The following ACOD1 variants were observed in gnomAD, a reference collection of about 807,000 sequenced individuals.
The protein encoded by ACOD1 is aconitate decarboxylase 1, also known as cis-aconitate decarboxylase.
A neutral mutation model predicts 14.2 loss-of-function variants in ACOD1; 14 were observed. The ratio of observed to expected loss-of-function variants is 0.99; its 90% CI spans 0.65 to 1.54. The LOEUF is 1.54. ACOD1 is among the 40% of genes most tolerant of loss of function. The pLI is 0.00. For missense variants in ACOD1, 530 were observed against 586.3 expected (o/e 0.90, Z 0.99); for synonymous variants, 182 against 221.7 (o/e 0.82, Z 1.59).
intron 4 of ACOD1, among the ~76,000 whole-genome samples, chr13:76,956,256 C>T (rs957835439): frequency 1.3e-5 from 2 of 152,174 alleles, no homozygotes; most frequent in African/African-American, 4.8e-5. Context: ...GGCTGGAGTG[C>T]AGTGGTGTAA....
At chr13:76,954,232 G>A (rs996736527) in intron 3 of ACOD1, among the ~76,000 whole-genome samples, 1 of 152,210 alleles carries the variant, frequency 6.6e-6, no homozygotes, top group Non-Finnish European at 1.5e-5. Flanking sequence ...AAACAGACAT[G>A]TTGGGATTTC....
rs942255068 is a variant in ACOD1 at position 76,957,550 on chromosome 13, G to A, written c.1011G>A (p.Val337=). 6.4e-6 allele frequency: 10 copies of A among 1,550,466 alleles called. No individual in the cohort carries two copies. In the African/African-American group the frequency reaches 1.4e-4, roughly 21 times the overall value. ...AAGCCCGTCATTCATTCCAGTATGT[G>A]GCCTGTGCCATGCTGCTTGATGGTG... is the stretch of plus-strand genomic sequence containing the variant. ...EHEARHSFQY[V]ACAMLLDGGI... The change falls in exon 5 of 5, where the codon GTG becomes GTA. Residue 337 remains valine (V), a synonymous_variant. Coordinates refer to ENST00000377462, the MANE Select transcript of ACOD1 (RefSeq NM_001258406.2).
rs907314567 is a variant in ACOD1, at chr13:76,957,330, T to C, written c.791T>C (p.Leu264Pro). The part of the protein sequence containing the change: ...LPSIASYSWL[L>P]DQQDVAFKRF... ...AGCATAGCTTCCTACAGTTGGCTGC[T>C]GGACCAGCAGGACGTGGCCTTTAAG... Residue 264 changes from leucine to proline, a missense_variant, in exon 5 of 5, where the codon CTG becomes CCG. Leu to Pro is a moderately conservative substitution (Grantham distance 98). Transcript: ENST00000377462. 4 of 1,550,560 alleles carry C rather than the reference T, an allele frequency of 2.6e-6. No homozygotes were observed. The highest frequency in any genetic ancestry group is 2.7e-5 in the African/African-American group (2 of 73,080).
In ACOD1 at chr13:76,957,531, G is replaced by A. The variant is rs755737247; in HGVS notation, c.992G>A (p.Arg331His). ...TTTCCAGTTTCGGAGCATGAAGCCC[G>A]TCATTCATTCCAGTATGTGGCCTGT... ...RPFPVSEHEARHSFQYVACAM... is the reference protein window; with the variant it reads ...RPFPVSEHEAHHSFQYVACAM... Residue 331 changes from arginine to histidine, a missense_variant, in exon 5 of 5, where the codon CGT becomes CAT. Transcript: ENST00000377462. 1.0e-4 allele frequency: 162 copies of A among 1,550,486 alleles called. No homozygotes were observed. Among genetic ancestry groups the A allele is most frequent in the Middle Eastern group, 3.3e-4 (2 of 6,014 alleles).
intron 3 of ACOD1, 50 bp downstream of exon 3, chr13:76,953,739 T>G (rs1274845346): frequency 2.6e-6 from 3 of 1,140,020 alleles, no homozygotes; most frequent in Admixed American, 2.0e-5. Context: ...ATAATAATTT[T>G]AGAGTCAGGA....
Position 76,957,173 on chromosome 13 carries a change from G to T in ACOD1, c.634G>T (p.Gly212Cys). The T allele has an allele frequency of 6.4e-7, 1 of 1,550,676 alleles. No homozygotes were observed. The highest frequency in any genetic ancestry group is 1.4e-5 in the African/African-American group (1 of 73,188). The change falls in exon 5 of 5, where the codon GGC becomes TGC. Residue 212 changes from glycine to cysteine, a missense_variant. Physicochemically the swap from Gly to Cys is radical, Grantham distance 159. Transcript: ENST00000377462. ...AATQTKPLHIGNAAKHGIEAA... is the reference protein window; with the variant it reads ...AATQTKPLHICNAAKHGIEAA... ...CACCCAGACCAAGCCCCTCCACATTGGCAATGCTGCCAAGCATGGGATAGA... is the reference window on the plus strand; with the variant it reads ...CACCCAGACCAAGCCCCTCCACATTTGCAATGCTGCCAAGCATGGGATAGA...
rs747238071 is a variant in ACOD1 at position 76,953,663 on chromosome 13, T to C, written c.238T>C (p.Tyr80His). Residue 80 changes from tyrosine (Y) to histidine (H), a missense_variant, in exon 3 of 5, where the codon TAT becomes CAT. Physicochemically the swap from Tyr to His is moderately conservative, Grantham distance 83. Coordinates refer to ENST00000377462, the MANE Select transcript of ACOD1 (RefSeq NM_001258406.2). ...GQPDIRLPPT[Y>H]AAFVNGVAIH... is the part of the protein sequence containing the mutation. Reference sequence around the variant, plus strand: ...GCCAGACATCAGGCTCCCGCCCACATATGCTGCTTTTGTGAACGGTGTGGC... The same window carrying C: ...GCCAGACATCAGGCTCCCGCCCACACATGCTGCTTTTGTGAACGGTGTGGC... 1.9e-5 allele frequency: 29 copies of C among 1,547,738 alleles called. No individual in the cohort carries two copies. In the South Asian group the frequency reaches 2.9e-4, roughly 15 times the overall value.
At position 76,955,376 on chromosome 13, in the gene ACOD1, G is replaced by A; in HGVS notation, c.322G>A (p.Val108Ile). The change falls in exon 4 of 5, where the codon GTC (valine) becomes ATC (isoleucine). Residue 108 changes from valine (V) to isoleucine (I), a missense_variant. Transcript: ENST00000377462. ...CCCTGCCACCCACCCTTCTGGGGCTGTCCTTCCTGTCCTCACAGCTTTAGC... is the reference window on the plus strand; with the variant it reads ...CCCTGCCACCCACCCTTCTGGGGCTATCCTTCCTGTCCTCACAGCTTTAGC... ...WHPATHPSGA[V>I]LPVLTALAEA... The A allele has an allele frequency of 1.3e-6, 2 of 1,550,650 alleles. No homozygotes were observed. The highest frequency in any genetic ancestry group is 1.7e-6 in the Non-Finnish European group (2 of 1,147,000).
Position 76,957,240 on chromosome 13 carries a change from A to T in ACOD1, c.701A>T (p.Gln234Leu). ...LAMLGLQGNK[Q>L]VLDLEAGFGA... ...ATGTTGGGTCTCCAAGGAAACAAGC[A>T]GGTCTTGGACTTGGAGGCAGGATTT... is the stretch of plus-strand genomic sequence containing the variant. The change falls in exon 5 of 5, where the codon CAG becomes CTG. Residue 234 changes from glutamine to leucine, a missense_variant. Physicochemically the swap from Gln to Leu is moderately radical, Grantham distance 113. Coordinates refer to ENST00000377462, the MANE Select transcript of ACOD1 (RefSeq NM_001258406.2). 6.4e-7 allele frequency: 1 copy of T among 1,550,652 alleles called. No individual in the cohort carries two copies.
intron 2 of ACOD1, among the ~76,000 whole-genome samples, chr13:76,953,021 C>G (rs999952631): frequency 4.6e-5 from 7 of 152,092 alleles, no homozygotes; most frequent in Admixed American, 1.3e-4. Context: ...CGCCTATAGT[C>G]CCAGCTACTC....
intron 1 of ACOD1, among the ~76,000 whole-genome samples, chr13:76,949,361 C>G (rs1178587839): frequency 6.6e-6 from 1 of 152,046 alleles, no homozygotes; most frequent in African/African-American, 2.4e-5. Flanking sequence ...GATGCAAATG[C>G]CATGAGAAGG....
At position 76,948,590 on chromosome 13, in the gene ACOD1, GACTT is replaced by G. The variant is rs67524409; in HGVS notation, c.12+26_12+29del. 0.53 allele frequency: 812,443 copies of G among 1,532,444 alleles called. 228,613 individuals carry two copies. Among genetic ancestry groups the G allele is most frequent in the Non-Finnish European group, 0.58 (659,178 of 1,132,442 alleles). 94.9% of individuals were successfully genotyped at this position (1,532,444 alleles called of 1,614,324 possible). Reference sequence around the variant, plus strand: ...CTCAAGGTATTGTAGCATTTTATGTGACTTACTTAAATTGCTTTTCTAGCAGACT... The same window carrying G: ...CTCAAGGTATTGTAGCATTTTATGTGACTTAAATTGCTTTTCTAGCAGACT... On this transcript the variant is annotated intron_variant, in intron 1 of 4. Transcript: ENST00000377462.
chr13:76,958,444 T>C lies in ACOD1; in HGVS notation c.*459T>C, dbSNP rs1593893174. The stretch of plus-strand genomic sequence containing the variant: ...GGGGTGCTACTGGGGAATGGGTGGG[T>C]TTAAATCCTGCCTCTGCCATTCACT... On this transcript the variant is annotated 3_prime_UTR_variant, in exon 5 of 5. Transcript: ENST00000377462. 6.5e-6 allele frequency: 1 copy of C among 154,306 alleles called. No individual in the cohort carries two copies. Among genetic ancestry groups the C allele is most frequent in the Non-Finnish European group, 1.4e-5 (1 of 69,676 alleles). The allele number at this position is 154,306 out of a possible 1,614,324, so 9.6% of individuals were successfully genotyped here.
Position 76,957,900 on chromosome 13 carries a change from T to C in ACOD1, c.1361T>C (p.Leu454Ser), listed in dbSNP as rs2033896930. 1 of 1,550,562 alleles carries C rather than the reference T, an allele frequency of 6.4e-7. No homozygotes were observed. Among genetic ancestry groups the C allele is most frequent in the South Asian group, 1.2e-5 (1 of 84,046 alleles). ...NLEDLEDCSV[L>S]TTLLKGPSPP... ...GAAGACCTAGAAGACTGTTCTGTGT[T>C]AACTACACTTCTCAAAGGACCCTCT... The change falls in exon 5 of 5, where the codon TTA becomes TCA. Residue 454 changes from leucine to serine, a missense_variant. Coordinates refer to ENST00000377462, the MANE Select transcript of ACOD1 (RefSeq NM_001258406.2).
In ACOD1 at chr13:76,957,509, C is replaced by G. The variant is rs1470604733; in HGVS notation, c.970C>G (p.Pro324Ala). The change falls in exon 5 of 5, where the codon CCA becomes GCA. Residue 324 changes from proline to alanine, a missense_variant. Transcript: ENST00000377462. ...TGTCCAGTATGTAAACAGGCCCTTT[C>G]CAGTTTCGGAGCATGAAGCCCGTCA... ...PNVQYVNRPF[P>A]VSEHEARHSF... 2 of 1,550,494 alleles carry G rather than the reference C, an allele frequency of 1.3e-6. No individual in the cohort carries two copies. Among genetic ancestry groups the G allele is most frequent in the South Asian group, 1.2e-5 (1 of 84,068 alleles).
intron 4 of ACOD1, among the ~76,000 whole-genome samples, chr13:76,956,466 C>T (rs1042381313): frequency 3.9e-5 from 6 of 152,116 alleles, no homozygotes; most frequent in African/African-American, 1.4e-4. Flanking sequence ...TCCCAAAGTG[C>T]TGGGATTACA....
rs1282475125 is a variant in ACOD1 at position 76,955,481 on chromosome 13, C to T, written c.427C>T (p.Arg143Ter). Residue 143 changes from arginine (R) to a stop codon, truncating the protein, a stop_gained, in exon 4 of 5, where the codon CGA (arginine) becomes TGA (stop). Coordinates refer to ENST00000377462, the MANE Select transcript of ACOD1 (RefSeq NM_001258406.2). LOFTEE classifies it low-confidence loss of function (END_TRUNC). ...AFNVGIEVQG[R>*]LLHFAKEAND... ...CAATGTTGGTATTGAAGTGCAAGGCCGATTACTGCATTTCGCCAAGGAGGC... is the reference window on the plus strand; with the variant it reads ...CAATGTTGGTATTGAAGTGCAAGGCTGATTACTGCATTTCGCCAAGGAGGC... The T allele has an allele frequency of 1.7e-5, 26 of 1,550,472 alleles. No homozygotes were observed. Among genetic ancestry groups the T allele is most frequent in the Middle Eastern group, 1.7e-4 (1 of 6,014 alleles).
rs1373609629 is a variant in ACOD1 at position 76,953,637 on chromosome 13, A to C, written c.212A>C (p.Gln71Pro). 1 of 1,550,264 alleles carries C rather than the reference A, an allele frequency of 6.5e-7. No homozygotes were observed. The highest frequency in any genetic ancestry group is 1.2e-5 in the South Asian group (1 of 84,028). ...SSNISSTVWG[Q>P]PDIRLPPTYA... ...AACATATCCAGCACTGTTTGGGGTC[A>C]GCCAGACATCAGGCTCCCGCCCACA... Residue 71 changes from glutamine (Q) to proline (P), a missense_variant, in exon 3 of 5, where the codon CAG becomes CCG. Coordinates refer to ENST00000377462, the MANE Select transcript of ACOD1 (RefSeq NM_001258406.2).
chr13:76,950,966 C>G (rs1311851971), intron 1 of ACOD1, among the ~76,000 whole-genome samples: 2 of 152,126 alleles, frequency 1.3e-5, no homozygotes, highest in Non-Finnish European at 2.9e-5. Context: ...CACCTCCCAG[C>G]CTTGGCCCTT....
Sources: gnomAD v4.1 joint callset for allele counts (sites outside exome capture counted in the v4.1 genomes callset) on GRCh38, gnomAD v4.1.1 for gene constraint, MANE v1.5 for transcripts, NCBI Gene and HGNC (gene_info 2026-07-23, HGNC 2026-07-21) for gene names.